The following ACBD6 variants were observed in gnomAD, a reference collection of about 807,000 sequenced individuals.
ACBD6 encodes acyl-CoA binding domain containing 6, also known as acyl-CoA-binding domain-containing protein 6.
Under a neutral mutation model 37.2 loss-of-function variants are expected in ACBD6, and 28 were observed. That is an observed-to-expected ratio of 0.75 (90% CI 0.56 to 1.03). The LOEUF is 1.03. Among genes scored for constraint, ACBD6 ranks in the 50% least tolerant of loss-of-function variants. ACBD6 has a pLI of 0.00. For missense variants in ACBD6, 340 were observed against 337.4 expected (o/e 1.01, Z -0.06); for synonymous variants, 113 against 126.8 (o/e 0.89, Z 0.73).
intron 5 of ACBD6, among the ~76,000 whole-genome samples, chr1:180,406,349 C>A (rs961342695): frequency 2.6e-5 from 4 of 152,126 alleles, no homozygotes; most frequent in Non-Finnish European, 5.9e-5. Context: ...TGGAGTGTCA[C>A]ACTGTTGCTA....
chr1:180,410,098 T>G (rs1647795280), intron 5 of ACBD6, among the ~76,000 whole-genome samples: 1 of 152,268 alleles, frequency 6.6e-6, no homozygotes, highest in South Asian at 2.1e-4. Flanking sequence ...TGCCAAAGCC[T>G]GATCCAGGGC....
intron 3 of ACBD6, among the ~76,000 whole-genome samples, chr1:180,476,581 T>C (rs1380978371): frequency 6.6e-6 from 1 of 152,174 alleles, no homozygotes; most frequent in Non-Finnish European, 1.5e-5. Context: ...ATCCCAGCAC[T>C]TTGGAAGGCC....
chr1:180,445,676 G>A (rs772579769), intron 3 of ACBD6, among the ~76,000 whole-genome samples: 12 of 151,970 alleles, frequency 7.9e-5, no homozygotes, highest in Non-Finnish European at 1.3e-4. Flanking sequence ...TTTAATTCCA[G>A]CACTTTGAAA....
intron 3 of ACBD6, among the ~76,000 whole-genome samples, chr1:180,456,261 G>C (rs1397719839): frequency 6.7e-6 from 1 of 148,206 alleles, no homozygotes. Flanking sequence ...AATTCTCAAA[G>C]TAGACAGATT....
At chr1:180,303,257 G>C (rs1650204750) in intron 7 of ACBD6, among the ~76,000 whole-genome samples, 2 of 150,530 alleles carry the variant, frequency 1.3e-5, no homozygotes, top group Admixed American at 6.6e-5. Context: ...ACTAAGATCA[G>C]AGCAGAACTG....
chr1:180,389,688 G>A (rs556047172), intron 6 of ACBD6, among the ~76,000 whole-genome samples: 243 of 152,198 alleles, frequency 1.6e-3, no homozygotes, highest in African/African-American at 5.3e-3. Flanking sequence ...TTTAATGATC[G>A]CCATTCTAAC....
At chr1:180,452,110 G>A (rs1418274726) in intron 3 of ACBD6, among the ~76,000 whole-genome samples, 1 of 152,168 alleles carries the variant, frequency 6.6e-6, no homozygotes, top group Non-Finnish European at 1.5e-5. Flanking sequence ...GCAGTGTTTA[G>A]AGGGAAATTT....
intron 3 of ACBD6, chr1:180,434,781 C>T: frequency 1.5e-6 from 1 of 665,984 alleles, no homozygotes; most frequent in Non-Finnish European, 2.8e-6. Context: ...AGCCTGCTGC[C>T]AATGCCTCTA....
chr1:180,365,348 G>T (rs894760191), intron 6 of ACBD6, among the ~76,000 whole-genome samples: 5 of 152,132 alleles, frequency 3.3e-5, no homozygotes, highest in Non-Finnish European at 5.9e-5. Flanking sequence ...GAAATTAACT[G>T]ACAGTTAATT....
intron 3 of ACBD6, among the ~76,000 whole-genome samples, chr1:180,481,317 A>C (rs1297010394): frequency 6.6e-6 from 1 of 152,186 alleles, no homozygotes; most frequent in African/African-American, 2.4e-5. Context: ...TCAGGGCTAA[A>C]AAATAAATTT....
intron 3 of ACBD6, among the ~76,000 whole-genome samples, chr1:180,470,357 T>TA (rs1469237093): frequency 1.3e-5 from 2 of 152,188 alleles, no homozygotes; most frequent in Non-Finnish European, 2.9e-5. Context: ...TGAACAGACT[T>TA]AGTCTTTACT....
At chr1:180,309,806 C>T (rs761052148) in intron 7 of ACBD6, among the ~76,000 whole-genome samples, 1 of 152,048 alleles carries the variant, frequency 6.6e-6, no homozygotes, top group Non-Finnish European at 1.5e-5. Context: ...TTGACTTAAG[C>T]CTGGTTATCC....
At chr1:180,278,683 C>T (rs1383881890) in intron 9 of ACBD6, 1 of 151,932 alleles carries the variant, frequency 6.6e-6, no homozygotes, top group Non-Finnish European at 1.5e-5. Flanking sequence ...AGGTTCAGGG[C>T]TGCGGGATTC....
chr1:180,486,393 G>A (rs1268284245), intron 3 of ACBD6, among the ~76,000 whole-genome samples: 1 of 152,144 alleles, frequency 6.6e-6, no homozygotes, highest in Non-Finnish European at 1.5e-5. Flanking sequence ...AAAGCCCTTT[G>A]GCTCTGACCC....
chr1:180,360,157 G>A (rs1183183373), intron 6 of ACBD6, among the ~76,000 whole-genome samples: 2 of 152,072 alleles, frequency 1.3e-5, no homozygotes, highest in Admixed American at 6.5e-5. Flanking sequence ...AGAACACACA[G>A]GGACCTAAGT....
intron 6 of ACBD6, among the ~76,000 whole-genome samples, chr1:180,356,997 T>A (rs1479571609): frequency 2.0e-5 from 3 of 152,074 alleles, no homozygotes; most frequent in Non-Finnish European, 4.4e-5. Flanking sequence ...GAAGAGAAGA[T>A]TACATTATTT....
Position 180,347,909 on chromosome 1 carries a change from G to A in ACBD6, c.664-33187C>T, listed in dbSNP as rs1305091391. On this transcript the variant is annotated intron_variant, in intron 6 of 7. Transcript: ENST00000367595. ...GAACCTGGGAGGCGGAGCTTGCGGT[G>A]AGCCGAGATTGCGCCACTGGGTGAC... Among the ~76,000 whole-genome samples, 3 of 151,812 alleles carry A rather than the reference G, an allele frequency of 2.0e-5. No homozygotes were observed. The East Asian group carries it at 5.8e-4, about 29-fold the overall frequency.
At chr1:180,294,998 C>G (rs1191054020) in intron 7 of ACBD6, among the ~76,000 whole-genome samples, 3 of 152,176 alleles carry the variant, frequency 2.0e-5, no homozygotes, top group Non-Finnish European at 4.4e-5. Flanking sequence ...AGCATCCAGC[C>G]TGTTTCTTCT....
chr1:180,351,629 A>G (rs1362483004), intron 6 of ACBD6, among the ~76,000 whole-genome samples: 1 of 143,042 alleles, frequency 7.0e-6, no homozygotes, highest in Non-Finnish European at 1.5e-5. Context: ...ACCACTTCAC[A>G]TCTCTATTAA....
Sources: allele counts gnomAD v4.1 joint callset (sites outside exome capture counted in the v4.1 genomes callset), GRCh38; gene constraint gnomAD v4.1.1; transcripts MANE v1.5; gene names NCBI Gene and HGNC (gene_info 2026-07-23, HGNC 2026-07-21).